Variants in TUBD1 observed in about 807,000 individuals in gnomAD.
The protein encoded by TUBD1 is tubulin delta 1, also known as tubulin delta chain.
TUBD1 carries 38 observed loss-of-function variants against 51.2 expected under a neutral mutation model. The ratio of observed to expected loss-of-function variants is 0.74; its 90% confidence interval spans 0.57 to 0.97. The LOEUF (loss-of-function observed/expected upper bound fraction) is 0.97, where lower values mean the gene tolerates loss of function less well. Among genes scored for constraint, TUBD1 ranks in the 50% least tolerant of loss-of-function variants. The pLI is 0.00. For synonymous variants in TUBD1, 169 were observed against 178.2 expected (o/e 0.95, Z 0.41); for missense variants, 489 against 538.4 (o/e 0.91, Z 0.91).
At chr17:59,889,796 C>G (rs1394350204) in intron 2 of TUBD1, among the ~76,000 whole-genome samples, 1 of 151,692 alleles carries the variant, frequency 6.6e-6, no homozygotes, top group Non-Finnish European at 1.5e-5. Flanking sequence ...ATGGCAAAAC[C>G]CTGTCTCTAC....
chr17:59,874,815 C>T (rs2040153616), intron 5 of TUBD1, 112 bp from the exon 6 acceptor site: 1 of 798,206 alleles, frequency 1.3e-6, no homozygotes, highest in African/African-American at 1.8e-5. Flanking sequence ...TTTCTCTTCT[C>T]AGACCAGAAT....
At chr17:59,868,928 G>T (rs2039847244) in intron 6 of TUBD1, among the ~76,000 whole-genome samples, 1 of 150,886 alleles carries the variant, frequency 6.6e-6, no homozygotes, top group Non-Finnish European at 1.5e-5. Flanking sequence ...GCGATAGGAG[G>T]ATCACTTGAG....
rs2040721883 is a variant in TUBD1 at position 59,886,294 on chromosome 17, TA to T, written c.173-65del. The T allele has an allele frequency of 6.8e-6, 10 of 1,464,936 alleles. No individual in the cohort carries two copies. The South Asian group carries it at 1.2e-4, about 18-fold the overall frequency. The allele number at this position is 1,464,936 out of a possible 1,614,324, so 90.7% of individuals were successfully genotyped here. A position where few individuals can be genotyped will look rare whatever the true frequency, so the allele number is the denominator to read the frequency against. ...AAAGATTTATTATGTCTTATTTGGG[TA>T]ACTCAGAGCATCTAAGTGTCCAAAT... On this transcript the variant is annotated intron_variant, in intron 2 of 8. Transcript: ENST00000325752.
chr17:59,886,461 T>C (rs1278674706), intron 2 of TUBD1: 3 of 436,110 alleles, frequency 6.9e-6, no homozygotes, highest in Non-Finnish European at 1.2e-5. Context: ...AGTGTGGGCC[T>C]AAAAGAGTAC....
chr17:59,877,777 CA>C (rs11288183), intron 5 of TUBD1, among the ~76,000 whole-genome samples: 74,069 of 128,780 alleles, frequency 0.58, 20,698 homozygotes, highest in African/African-American at 0.79. Context: ...GACTCTGTCT[CA>C]AAAAAAAAAA....
At chr17:59,878,519 C>T (rs1210438917) in intron 4 of TUBD1, 185 bp from the exon 5 acceptor site, 18 of 528,148 alleles carry the variant, frequency 3.4e-5, no homozygotes, top group African/African-American at 8.2e-5. Flanking sequence ...GATAGAGACT[C>T]TGTCGCCCAG....
intron 2 of TUBD1, 142 bp from the exon 3 acceptor site, chr17:59,886,372 C>T: frequency 1.2e-6 from 1 of 853,834 alleles, no homozygotes; most frequent in South Asian, 1.9e-5. Context: ...ATCTGTCGTA[C>T]TGCTTAGAAA....
intron 7 of TUBD1, among the ~76,000 whole-genome samples, chr17:59,865,592 G>T (rs938456556): frequency 1.3e-5 from 2 of 151,992 alleles, no homozygotes; most frequent in African/African-American, 2.4e-5. Flanking sequence ...ACACACACAA[G>T]AATAATAATG....
intron 1 of TUBD1, among the ~76,000 whole-genome samples, chr17:59,892,149 A>G (rs2041114186): frequency 6.6e-6 from 1 of 152,180 alleles, no homozygotes; most frequent in Admixed American, 6.5e-5. Context: ...CGCTTTCTCC[A>G]CTAGTCTAGC....
At chr17:59,870,038 G>A (rs1598517975) in intron 6 of TUBD1, among the ~76,000 whole-genome samples, 1 of 152,080 alleles carries the variant, frequency 6.6e-6, no homozygotes. Context: ...CCACAATTGA[G>A]GTCCTGGAAG....
At position 59,881,066 on chromosome 17, in the gene TUBD1, A is replaced by C; in HGVS notation, c.365T>G (p.Ile122Arg). The change falls in exon 4 of 9, where the codon ATA becomes AGA. Residue 122 changes from isoleucine (I) to arginine (R), a missense_variant. Physicochemically the swap from Ile to Arg is moderately conservative, Grantham distance 97. Coordinates refer to ENST00000325752, the MANE Select transcript of TUBD1 (RefSeq NM_016261.4). ...ACATTTCTCCACTTCCTTCCGGATT[A>C]TGTTCATTATAGATTCTTCATGCCT... is the stretch of plus-strand genomic sequence containing the variant. ...GPRHEESIMN[I>R]IRKEVEKCDS... The C allele has an allele frequency of 3.7e-6, 6 of 1,614,196 alleles. No homozygotes were observed. Among genetic ancestry groups the C allele is most frequent in the Non-Finnish European group, 5.1e-6 (6 of 1,180,038 alleles).
intron 3 of TUBD1, among the ~76,000 whole-genome samples, 166 bp downstream of exon 3, chr17:59,885,917 T>C (rs780454449): frequency 1.2e-4 from 18 of 152,208 alleles, no homozygotes; most frequent in Non-Finnish European, 1.8e-4. Flanking sequence ...AGTACAGACA[T>C]AGGCATGGAA....
chr17:59,888,816 A>G (rs1598580268), intron 2 of TUBD1, among the ~76,000 whole-genome samples: 1 of 151,482 alleles, frequency 6.6e-6, no homozygotes, highest in East Asian at 1.9e-4. Context: ...GGTTCAAGCG[A>G]TTCTCCTGCC....
rs891861929 is a variant in TUBD1, at chr17:59,868,155, G to T, written c.935-1406C>A. On this transcript the variant is annotated intron_variant, in intron 6 of 8. Coordinates refer to ENST00000325752, the MANE Select transcript of TUBD1 (RefSeq NM_016261.4). ...AAAAATTAGCTGGGTGTAGTGGCAG[G>T]TGCCTATAATCTCAGCTACTTGGGA... Among the ~76,000 whole-genome samples the T allele has an allele frequency of 2.0e-5, 3 of 147,880 alleles. No homozygotes were observed. The Admixed American group carries it at 2.0e-4, about 10-fold the overall frequency.
At chr17:59,869,218 A>G (rs553246220) in intron 6 of TUBD1, among the ~76,000 whole-genome samples, 50 of 151,882 alleles carry the variant, frequency 3.3e-4, no homozygotes, top group Middle Eastern at 3.4e-3. Flanking sequence ...GCTTCTGCCT[A>G]TAATCCCAGA....
At chr17:59,868,575 C>T (rs1161978524) in intron 6 of TUBD1, among the ~76,000 whole-genome samples, 2 of 152,008 alleles carry the variant, frequency 1.3e-5, no homozygotes, top group Non-Finnish European at 2.9e-5. Flanking sequence ...TGCAGTGGCT[C>T]ATGCCTGTAA....
chr17:59,864,655 C>T (rs1357464657), intron 7 of TUBD1, among the ~76,000 whole-genome samples: 2 of 152,042 alleles, frequency 1.3e-5, no homozygotes, highest in Non-Finnish European at 2.9e-5. Context: ...GCACACGCCA[C>T]CATGCCTAAT....
At chr17:59,874,363 G>GA (rs2040132529) in intron 6 of TUBD1, among the ~76,000 whole-genome samples, 176 bp downstream of exon 6, 1 of 152,022 alleles carries the variant, frequency 6.6e-6, no homozygotes, top group Non-Finnish European at 1.5e-5. Context: ...TTTTGGTAAT[G>GA]AAACTGTGAA....
At chr17:59,878,708 G>A (rs2040341030) in intron 4 of TUBD1, 1 of 196,188 alleles carries the variant, frequency 5.1e-6, no homozygotes, top group African/African-American at 2.4e-5. Context: ...TCAAACTCCT[G>A]GCCTCAAGTG....
Sources: allele counts gnomAD v4.1 joint callset (sites outside exome capture counted in the v4.1 genomes callset), GRCh38; gene constraint gnomAD v4.1.1; transcripts MANE v1.5; gene names NCBI Gene and HGNC (gene_info 2026-07-23, HGNC 2026-07-21).